ADORA2B: variants seen among roughly 807,000 people sequenced by gnomAD.
The protein encoded by ADORA2B is adenosine receptor A2b.
Under a neutral mutation model 20.8 loss-of-function variants are expected in ADORA2B, and 18 were observed. That is an observed-to-expected ratio of 0.87 (90% CI 0.60 to 1.29). ADORA2B has a LOEUF of 1.29. Ranked by LOEUF, ADORA2B falls within the 50% of genes most tolerant of loss-of-function variation. The pLI is 0.00. For missense variants in ADORA2B, 441 were observed against 422.7 expected, an observed-to-expected ratio of 1.04 and a Z score of -0.38; for synonymous variants, 179 against 178.3, an observed-to-expected ratio of 1.00 and a Z score of -0.03.
chr17:15,879,540 CTT>C, the ADORA2B span, among the ~76,000 whole-genome samples: 18 of 139,376 alleles, frequency 1.3e-4, no homozygotes, highest in Non-Finnish European at 9.4e-5. Context: ...AAAGGATTTT[CTT>C]TTTTTTTTTT....
chr17:15,919,845 A>G, the ADORA2B span, among the ~76,000 whole-genome samples: 1 of 152,166 alleles, frequency 6.6e-6, no homozygotes, highest in Non-Finnish European at 1.5e-5. Context: ...CACTTTTTAT[A>G]AAAAATAAAA....
At chr17:15,931,824 C>A in the ADORA2B span, among the ~76,000 whole-genome samples, 9 of 152,188 alleles carry the variant, frequency 5.9e-5, no homozygotes, top group African/African-American at 2.2e-4. Flanking sequence ...TGCTGCCTCC[C>A]GGGTTCAAGC....
the ADORA2B span, among the ~76,000 whole-genome samples, chr17:15,896,352 C>A: frequency 3.5e-3 from 531 of 152,056 alleles, 1 homozygote; most frequent in Non-Finnish European, 6.0e-3. Context: ...ATAGAAACCA[C>A]AAGGAAGGAA....
chr17:15,881,547 A>G, the ADORA2B span, among the ~76,000 whole-genome samples: 1 of 152,206 alleles, frequency 6.6e-6, no homozygotes, highest in Non-Finnish European at 1.5e-5. Context: ...TCATCATCCC[A>G]AACTGAGCTC....
the ADORA2B span, among the ~76,000 whole-genome samples, chr17:15,897,614 A>G: frequency 6.6e-6 from 1 of 152,150 alleles, no homozygotes; most frequent in South Asian, 2.1e-4. Context: ...ACCAGTAATA[A>G]TAAGACAACC....
At chr17:15,899,724 C>T in the ADORA2B span, among the ~76,000 whole-genome samples, 4 of 152,182 alleles carry the variant, frequency 2.6e-5, no homozygotes, top group Non-Finnish European at 4.4e-5. Context: ...TGTGGGTTAG[C>T]TTAGGATTAT....
the ADORA2B span, among the ~76,000 whole-genome samples, chr17:15,874,534 AAAT>A: frequency 4.0e-5 from 6 of 151,818 alleles, no homozygotes; most frequent in African/African-American, 1.5e-4. Context: ...CCAAAAAAAA[AAAT>A]AAATAATAAG....
the ADORA2B span, among the ~76,000 whole-genome samples, chr17:15,872,169 A>G: frequency 6.6e-6 from 1 of 152,100 alleles, no homozygotes; most frequent in East Asian, 1.9e-4. Flanking sequence ...ACAGTTTTCT[A>G]TTGTGTGATG....
chr17:15,898,647 G>C, the ADORA2B span, among the ~76,000 whole-genome samples: 1 of 151,972 alleles, frequency 6.6e-6, no homozygotes, highest in African/African-American at 2.4e-5. Context: ...GATTACAGGC[G>C]TGAGCCACTG....
At chr17:15,958,018 C>CTT (rs796565732) in intron 1 of ADORA2B, among the ~76,000 whole-genome samples, 1 of 148,634 alleles carries the variant, frequency 6.7e-6, no homozygotes, top group Non-Finnish European at 1.5e-5. Flanking sequence ...GGTACACTTC[C>CTT]TTTTTTTTTT....
chr17:15,902,844 T>C, the ADORA2B span, among the ~76,000 whole-genome samples: 5 of 152,180 alleles, frequency 3.3e-5, no homozygotes, highest in Non-Finnish European at 5.9e-5. Flanking sequence ...GTAGAAGCAT[T>C]CTCCTTGTCA....
the ADORA2B span, among the ~76,000 whole-genome samples, chr17:15,853,066 A>C: frequency 6.6e-6 from 1 of 152,204 alleles, no homozygotes; most frequent in African/African-American, 2.4e-5. Context: ...TAGACACATT[A>C]GGCTAAAACT....
At chr17:15,904,963 A>T in the ADORA2B span, among the ~76,000 whole-genome samples, 1 of 152,208 alleles carries the variant, frequency 6.6e-6, no homozygotes, top group Non-Finnish European at 1.5e-5. Flanking sequence ...TAGCATTATT[A>T]AAAATCTTGA....
the ADORA2B span, among the ~76,000 whole-genome samples, chr17:15,872,463 G>A: frequency 6.6e-6 from 1 of 152,076 alleles, no homozygotes; most frequent in East Asian, 1.9e-4. Flanking sequence ...GTATTTGGAT[G>A]GGAATTTCAT....
At chr17:15,907,579 C>T in the ADORA2B span, among the ~76,000 whole-genome samples, 1 of 152,080 alleles carries the variant, frequency 6.6e-6, no homozygotes, top group African/African-American at 2.4e-5. Flanking sequence ...GGACCTTATG[C>T]GTGCTCAATA....
Position 15,975,206 on chromosome 17 carries a change from T to A in ADORA2B, c.863T>A (p.Ile288Asn). Reference sequence around the variant, plus strand: ...CATGCCAATTCAGTTGTCAATCCCATTGTCTATGCTTACCGGAACCGAGAC... The same window carrying A: ...CATGCCAATTCAGTTGTCAATCCCAATGTCTATGCTTACCGGAACCGAGAC... ...LSHANSVVNP[I>N]VYAYRNRDFR... is the part of the protein sequence containing the mutation. The change falls in exon 2 of 2, where the codon ATT becomes AAT. Residue 288 changes from isoleucine to asparagine, a missense_variant. Transcript: ENST00000304222. 6.2e-7 allele frequency: 1 copy of A among 1,614,108 alleles called. No individual in the cohort carries two copies. Among genetic ancestry groups the A allele is most frequent in the South Asian group, 1.1e-5 (1 of 91,080 alleles).
At chr17:15,899,716 TG>T in the ADORA2B span, among the ~76,000 whole-genome samples, 213 of 152,358 alleles carry the variant, frequency 1.4e-3, no homozygotes, top group African/African-American at 5.0e-3. Flanking sequence ...TGTTTCTATG[TG>T]GGTTAGCTTA....
upstream of ADORA2B, among the ~76,000 whole-genome samples, chr17:15,943,684 G>A (rs911516041): frequency 2.0e-5 from 3 of 152,166 alleles, no homozygotes; most frequent in Non-Finnish European, 4.4e-5. Flanking sequence ...TGCCTTTCAA[G>A]TGTACAGTTC....
the ADORA2B span, among the ~76,000 whole-genome samples, chr17:15,902,217 CTT>C: frequency 1.6e-4 from 23 of 147,200 alleles, no homozygotes; most frequent in South Asian, 6.5e-4. Context: ...GATTCCCTTC[CTT>C]TTTTTTTTTT....
Sources: allele counts gnomAD v4.1 joint callset (sites outside exome capture counted in the v4.1 genomes callset), GRCh38; gene constraint gnomAD v4.1.1; transcripts MANE v1.5; gene names NCBI Gene and HGNC (gene_info 2026-07-23, HGNC 2026-07-21).